Variants in NDUFS1 observed in about 807,000 individuals in gnomAD.
NDUFS1 encodes NADH-ubiquinone oxidoreductase 75 kDa subunit, mitochondrial.
Under a neutral mutation model 84.4 loss-of-function variants are expected in NDUFS1, and 61 were observed. That is an observed-to-expected ratio of 0.72 (90% CI 0.59 to 0.89). The LOEUF (loss-of-function observed/expected upper bound fraction) is 0.89. Ranked by LOEUF, NDUFS1 falls within the 40% of genes least tolerant of loss-of-function variation. The pLI is 0.00. For synonymous variants in NDUFS1, 275 were observed against 290.0 expected (o/e 0.95, Z 0.53); for missense variants, 891 against 890.0 (o/e 1.00, Z -0.01).
chr2:206,145,455 A>G (rs1692121776), intron 8 of NDUFS1, among the ~76,000 whole-genome samples: 1 of 152,156 alleles, frequency 6.6e-6, no homozygotes, highest in Non-Finnish European at 1.5e-5. Context: ...AATTCCTGGC[A>G]CAGTAAGGAA....
At position 206,123,535 on chromosome 2, in the gene NDUFS1, G is replaced by A. The variant is rs576890637; in HGVS notation, c.*650C>T. ...AGTAAATAAGAAGTAGGTTTGAGTT[G>A]GTGACTTTTGCTGTGTGGCCTTGGG... On this transcript the variant is annotated 3_prime_UTR_variant, in exon 19 of 19. Transcript: ENST00000233190. The A allele has an allele frequency of 4.9e-4, 74 of 152,276 alleles. No individual in the cohort carries two copies. Among genetic ancestry groups the A allele is most frequent in the African/African-American group, 1.6e-3 (68 of 41,546 alleles). The allele number at this position is 152,276 out of a possible 1,614,324, so 9.4% of individuals were successfully genotyped here.
chr2:206,149,180 T>C (rs1341215465), intron 4 of NDUFS1, 84 bp from the exon 5 acceptor site: 9 of 983,122 alleles, frequency 9.2e-6, no homozygotes, highest in Admixed American at 2.0e-5. Flanking sequence ...TGTTAAATTA[T>C]ATAAAAACAT....
intron 8 of NDUFS1, 83 bp from the exon 9 acceptor site, chr2:206,145,109 T>G: frequency 3.8e-6 from 5 of 1,321,476 alleles, no homozygotes; most frequent in Non-Finnish European, 5.2e-6. Context: ...AAAATTTTTT[T>G]TACAATTAAT....
intron 5 of NDUFS1, 34 bp downstream of exon 5, chr2:206,148,986 T>C (rs1156862963): frequency 6.1e-6 from 9 of 1,485,178 alleles, no homozygotes; most frequent in East Asian, 2.3e-5. Context: ...TTCTGCTTTA[T>C]GAAAGGGTAC....
chr2:206,157,153 T>G (rs531166596), intron 1 of NDUFS1, among the ~76,000 whole-genome samples: 2 of 152,350 alleles, frequency 1.3e-5, no homozygotes, highest in Non-Finnish European at 2.9e-5. Flanking sequence ...GGTTTCGCCA[T>G]GTTGGCCAGG....
chr2:206,116,242 A>C lies in NDUFS1; in HGVS notation c.*7943T>G. 2 of 1,184,520 alleles carry C rather than the reference A, an allele frequency of 1.7e-6. No individual in the cohort carries two copies. The highest frequency in any genetic ancestry group is 2.5e-6 in the Non-Finnish European group (2 of 787,536). The allele number at this position is 1,184,520 out of a possible 1,614,324, so 73.4% of individuals were successfully genotyped here. ...AACGAGATTTGTTTACAAGTCCTGG[A>C]TTTTCTGCAAGAGCTTCATTAATTT... On this transcript the variant is annotated 3_prime_UTR_variant, in exon 19 of 19. Coordinates refer to ENST00000233190, the MANE Select transcript of NDUFS1 (RefSeq NM_005006.7).
rs915181931 is a variant in NDUFS1, at chr2:206,157,376, T to C, written c.-5+1965A>G. Among the ~76,000 whole-genome samples the C allele has an allele frequency of 9.9e-5, 15 of 152,214 alleles. 1 individual carries two copies. Among genetic ancestry groups the C allele is most frequent in the African/African-American group, 3.4e-4 (14 of 41,448 alleles). ...TAATCAATTTTAGTACCTACCAGAC[T>C]GTAAGCTCCTTGAGGACAAGGAATT... On this transcript the variant is annotated intron_variant, in intron 1 of 18. Coordinates refer to ENST00000233190, the MANE Select transcript of NDUFS1 (RefSeq NM_005006.7).
intron 16 of NDUFS1, among the ~76,000 whole-genome samples, 188 bp from the exon 17 acceptor site, chr2:206,127,032 T>C (rs1691320158): frequency 6.6e-6 from 1 of 152,232 alleles, no homozygotes; most frequent in African/African-American, 2.4e-5. Flanking sequence ...TTCTAATTCA[T>C]TCACAGCTGT....
Position 206,116,486 on chromosome 2 carries a change from C to T in NDUFS1, c.*7699G>A. On this transcript the variant is annotated 3_prime_UTR_variant, in exon 19 of 19. Transcript: ENST00000233190. ...AGAGCACGGCCCGCACGCTCCGCAC[C>T]ACTCGCAGCGCCATGTTCCCAGGGG... 1 of 1,210,066 alleles carries T rather than the reference C, an allele frequency of 8.3e-7. No homozygotes were observed. The highest frequency in any genetic ancestry group is 1.2e-6 in the Non-Finnish European group (1 of 852,324). The allele number at this position is 1,210,066 out of a possible 1,614,324, so 75.0% of individuals were successfully genotyped here. A position where few individuals can be genotyped will look rare whatever the true frequency, so the allele number is the denominator to read the frequency against.
chr2:206,140,275 G>T (rs777948506), intron 12 of NDUFS1, among the ~76,000 whole-genome samples: 36 of 152,178 alleles, frequency 2.4e-4, no homozygotes, highest in Non-Finnish European at 4.0e-4. Context: ...TTTGAGCCCA[G>T]GAGGTCAAGG....
At position 206,130,183 on chromosome 2, in the gene NDUFS1, C is replaced by T. The variant is rs768062085; in HGVS notation, c.1613G>A (p.Arg538Gln). ...AAACAGCACCTTGGGAGGGTTCTTC[C>T]GAATTGCTTCCACCCCAGGCTTATA... is the stretch of plus-strand genomic sequence containing the variant. ...LGYKPGVEAI[R>Q]KNPPKVLFLL... Residue 538 changes from arginine to glutamine, a missense_variant, in exon 15 of 19, where the codon CGG becomes CAG. By Grantham distance (43) the Arg-to-Gln change is conservative. Transcript: ENST00000233190. 45 of 1,614,126 alleles carry T rather than the reference C, an allele frequency of 2.8e-5. No homozygotes were observed. The highest frequency in any genetic ancestry group is 6.6e-5 in the South Asian group (6 of 91,082).
chr2:206,126,603 G>A lies in NDUFS1; in HGVS notation c.2028C>T (p.Asn676=), dbSNP rs768984620. ...CAAGTGGGTCAGCAAGAAGCTGCTG[G>A]TTCACTAGCTGCACAAAAAAGAAGA... The part of the protein sequence containing the change: ...QQANELSKLV[N]QQLLADPLVP... Residue 676 remains asparagine, a synonymous_variant, in exon 18 of 19, where the codon AAC becomes AAT. Coordinates refer to ENST00000233190, the MANE Select transcript of NDUFS1 (RefSeq NM_005006.7). 3.2e-5 allele frequency: 51 copies of A among 1,613,988 alleles called. No individual in the cohort carries two copies. The highest frequency in any genetic ancestry group is 3.6e-5 in the Non-Finnish European group (42 of 1,180,030).
At chr2:206,148,979 T>C (rs1225528557) in intron 5 of NDUFS1, 41 bp downstream of exon 5, 1 of 1,440,008 alleles carries the variant, frequency 6.9e-7, no homozygotes, top group Non-Finnish European at 9.8e-7. Flanking sequence ...TGCAATTTTC[T>C]GCTTTATGAA....
In NDUFS1 at chr2:206,119,150, G is replaced by C. The variant is rs1691029328; in HGVS notation, c.*5035C>G. On this transcript the variant is annotated 3_prime_UTR_variant, in exon 19 of 19. Transcript: ENST00000233190. Reference sequence around the variant, plus strand: ...TAAGCTGGAGATTATTTTAGGCATGGCTTTCCCTCATAGTCTATGAAATTT... The same window carrying C: ...TAAGCTGGAGATTATTTTAGGCATGCCTTTCCCTCATAGTCTATGAAATTT... 1 of 152,128 alleles carries C rather than the reference G, an allele frequency of 6.6e-6. No individual in the cohort carries two copies. The highest frequency in any genetic ancestry group is 2.4e-5 in the African/African-American group (1 of 41,420). The allele number at this position is 152,128 out of a possible 1,614,324, so 9.4% of individuals were successfully genotyped here. A position where few individuals can be genotyped will look rare whatever the true frequency, so the allele number is the denominator to read the frequency against.
At chr2:206,135,083 A>T (rs1206118607) in intron 13 of NDUFS1, among the ~76,000 whole-genome samples, 2 of 151,782 alleles carry the variant, frequency 1.3e-5, no homozygotes, top group East Asian at 3.9e-4. Context: ...CAGTGGCATG[A>T]TCTCGGCTCA....
chr2:206,129,455 G>T (rs1274192531), intron 15 of NDUFS1, among the ~76,000 whole-genome samples: 3 of 151,854 alleles, frequency 2.0e-5, no homozygotes, highest in African/African-American at 7.3e-5. Flanking sequence ...TAGAAACAGG[G>T]TCTCCCTATG....
Position 206,153,635 on chromosome 2 carries a change from T to G in NDUFS1, c.44A>C (p.Lys15Thr), listed in dbSNP as rs756798687. ...ATACTCACCACATCCTTTAGGAGAC[T>G]TAGAAAGGCCTACTAAGGCCTTTCT... Reference protein sequence around the residue: ...PVRKALVGLSKSPKGCVRTTA... With the variant: ...PVRKALVGLSTSPKGCVRTTA... Residue 15 changes from lysine (K) to threonine (T), a missense_variant, in exon 2 of 19, where the codon AAG (lysine) becomes ACG (threonine). Transcript: ENST00000233190. The G allele has an allele frequency of 6.5e-7, 1 of 1,547,672 alleles. No homozygotes were observed.
chr2:206,140,452 C>T (rs999373073), intron 12 of NDUFS1, among the ~76,000 whole-genome samples: 11 of 152,048 alleles, frequency 7.2e-5, no homozygotes, highest in South Asian at 2.1e-4. Context: ...TACAGTGACC[C>T]GAAACTGAGA....
At chr2:206,145,121 C>A in intron 8 of NDUFS1, 95 bp from the exon 9 acceptor site, 1 of 1,207,740 alleles carries the variant, frequency 8.3e-7, no homozygotes, top group Non-Finnish European at 1.2e-6. Flanking sequence ...ACAATTAATT[C>A]CCTTTCTGAA....
Sources: allele counts gnomAD v4.1 joint callset (sites outside exome capture counted in the v4.1 genomes callset), GRCh38; gene constraint gnomAD v4.1.1; transcripts MANE v1.5; gene names NCBI Gene and HGNC (gene_info 2026-07-23, HGNC 2026-07-21).